The following MTUS2 variants were observed in gnomAD, a reference collection of about 807,000 sequenced individuals.
MTUS2 encodes the protein microtubule-associated tumor suppressor candidate 2.
MTUS2 carries 40 observed loss-of-function variants against 114.1 expected under a neutral mutation model. That is an observed-to-expected ratio of 0.35 (90% CI 0.27 to 0.46). The LOEUF is 0.46. MTUS2 is among the 20% of genes least tolerant of loss of function. The pLI is 1.00. For missense variants in MTUS2, 1,679 were observed against 1,705.4 expected (o/e 0.98, Z 0.27); for synonymous variants, 688 against 672.0 (o/e 1.02, Z -0.37).
intron 8 of MTUS2, among the ~76,000 whole-genome samples, chr13:29,389,333 A>ATGTATACACGTGTG (rs1566172377): frequency 3.6e-5 from 2 of 55,748 alleles, no homozygotes; most frequent in African/African-American, 1.1e-4. Flanking sequence ...ATGTGTGTAT[A>ATGTATACACGTGTG]TATGTATGCA....
intron 5 of MTUS2, among the ~76,000 whole-genome samples, chr13:29,140,091 A>T (rs539494432): frequency 6.6e-6 from 1 of 152,346 alleles, no homozygotes; most frequent in Non-Finnish European, 1.5e-5. Flanking sequence ...TACAGATGTC[A>T]TTTAAAATTT....
chr13:29,410,203 C>T (rs1875120319), intron 8 of MTUS2, among the ~76,000 whole-genome samples: 1 of 151,862 alleles, frequency 6.6e-6, no homozygotes, highest in African/African-American at 2.4e-5. Context: ...CAGCTCACTG[C>T]AACCTCTGCC....
intron 8 of MTUS2, among the ~76,000 whole-genome samples, chr13:29,386,064 A>G (rs1025710268): frequency 1.3e-5 from 2 of 152,230 alleles, no homozygotes; most frequent in African/African-American, 4.8e-5. Context: ...TGAATGAAGA[A>G]ATTTAAAATT....
chr13:29,376,766 C>A (rs1025062347), intron 8 of MTUS2, among the ~76,000 whole-genome samples: 1 of 152,016 alleles, frequency 6.6e-6, no homozygotes, highest in Non-Finnish European at 1.5e-5. Flanking sequence ...CTGCTGCTTT[C>A]AGAAAAAGGT....
At chr13:29,238,825 C>T (rs903089331) in intron 5 of MTUS2, among the ~76,000 whole-genome samples, 1 of 152,114 alleles carries the variant, frequency 6.6e-6, no homozygotes, top group African/African-American at 2.4e-5. Context: ...ACCTGGATTA[C>T]ATTATGCTAT....
At chr13:29,047,790 G>A (rs577117609) in intron 4 of MTUS2, among the ~76,000 whole-genome samples, 133 of 152,174 alleles carry the variant, frequency 8.7e-4, no homozygotes, top group African/African-American at 3.1e-3. Flanking sequence ...GATTACAGGC[G>A]TGAGCCACCA....
intron 2 of MTUS2, among the ~76,000 whole-genome samples, chr13:28,862,431 T>TA (rs1164096453): frequency 6.6e-6 from 1 of 152,070 alleles, no homozygotes. Context: ...GCCAATATGG[T>TA]AAAACCCTGT....
At chr13:29,101,027 T>C (rs1311205932) in intron 5 of MTUS2, 57 bp downstream of exon 5, 1 of 1,432,704 alleles carries the variant, frequency 7.0e-7, no homozygotes, top group African/African-American at 1.4e-5. Context: ...GGCGCGCCTG[T>C]GTAACTGTGT....
At chr13:29,368,065 A>G (rs1870880247) in intron 8 of MTUS2, among the ~76,000 whole-genome samples, 1 of 151,686 alleles carries the variant, frequency 6.6e-6, no homozygotes. Flanking sequence ...CATCCTCCCA[A>G]GTAGCTGGGA....
chr13:29,346,179 T>C (rs1868661580), intron 7 of MTUS2, among the ~76,000 whole-genome samples: 1 of 152,110 alleles, frequency 6.6e-6, no homozygotes, highest in South Asian at 2.1e-4. Flanking sequence ...GCTGCAGTAG[T>C]GTAGGGAGGA....
At chr13:29,229,206 G>A (rs1896229729) in intron 5 of MTUS2, among the ~76,000 whole-genome samples, 1 of 152,018 alleles carries the variant, frequency 6.6e-6, no homozygotes, top group African/African-American at 2.4e-5. Flanking sequence ...GTAATTCTTG[G>A]TTGTTTTCTG....
At chr13:29,033,472 G>A (rs1192703691) in intron 3 of MTUS2, among the ~76,000 whole-genome samples, 1 of 152,052 alleles carries the variant, frequency 6.6e-6, no homozygotes, top group Admixed American at 6.6e-5. Flanking sequence ...CTAAGACTAG[G>A]TTATCATACA....
At chr13:28,954,672 G>C (rs1187533993) in intron 2 of MTUS2, among the ~76,000 whole-genome samples, 2 of 152,146 alleles carry the variant, frequency 1.3e-5, no homozygotes, top group African/African-American at 2.4e-5. Context: ...AATGGAAAAG[G>C]TGGCCTTCCA....
chr13:28,857,292 A>G (rs1876693056), intron 2 of MTUS2, among the ~76,000 whole-genome samples: 1 of 152,192 alleles, frequency 6.6e-6, no homozygotes, highest in Non-Finnish European at 1.5e-5. Flanking sequence ...CCATCCAACT[A>G]GTGATTCGTC....
In MTUS2 at chr13:29,228,568, C is replaced by T. The variant is rs561844894; in HGVS notation, c.2645-53136C>T. On this transcript the variant is annotated intron_variant, in intron 5 of 15. Coordinates refer to ENST00000612955, the MANE Select transcript of MTUS2 (RefSeq NM_001033602.4). ...CTCCTGGGCTCAAGCAGTCCTCCTG[C>T]CTCAGCCTCCCAAATTGTTGGGATT... is the stretch of plus-strand genomic sequence containing the variant. 7.6e-4 allele frequency among the ~76,000 whole-genome samples: 115 copies of T among 152,276 alleles called. 1 individual carries two copies. The highest frequency in any genetic ancestry group is 9.6e-4 in the Non-Finnish European group (65 of 68,018).
At chr13:29,181,036 G>A (rs1477482043) in intron 5 of MTUS2, among the ~76,000 whole-genome samples, 2 of 152,178 alleles carry the variant, frequency 1.3e-5, no homozygotes, top group Non-Finnish European at 2.9e-5. Flanking sequence ...GTTGGAAGGT[G>A]TTAAAATCTT....
intron 6 of MTUS2, among the ~76,000 whole-genome samples, chr13:29,321,745 TAAAAAG>T (rs1241213073): frequency 6.6e-6 from 1 of 152,224 alleles, no homozygotes; most frequent in Non-Finnish European, 1.5e-5. Flanking sequence ...CATATTAAAA[TAAAAAG>T]TAAAAGCTCC....
In MTUS2 at chr13:28,958,139, G is replaced by A. The variant is rs138761191; in HGVS notation, c.-242-66318G>A. Among the ~76,000 whole-genome samples, 547 of 152,288 alleles carry A rather than the reference G, an allele frequency of 3.6e-3. 3 individuals are homozygous for A. The highest frequency in any genetic ancestry group is 0.013 in the African/African-American group (528 of 41,566). ...GAAAAAATGTCCAAGTGCTTATTAG[G>A]CATCTGAATTTAACTTGTGCCTCCT... On this transcript the variant is annotated intron_variant, in intron 2 of 15. Transcript: ENST00000612955.
intron 4 of MTUS2, among the ~76,000 whole-genome samples, chr13:29,042,503 C>G (rs894115225): frequency 6.6e-6 from 1 of 151,456 alleles, no homozygotes; most frequent in African/African-American, 2.4e-5. Context: ...GGAGGATTCC[C>G]TCTTTGTCTG....
Sources: allele counts gnomAD v4.1 joint callset (sites outside exome capture counted in the v4.1 genomes callset), GRCh38; gene constraint gnomAD v4.1.1; transcripts MANE v1.5; gene names NCBI Gene and HGNC (gene_info 2026-07-23, HGNC 2026-07-21).